The following TMEM178B variants were observed in gnomAD, a reference collection of about 807,000 sequenced individuals.
TMEM178B encodes the protein transmembrane protein 178B.
In TMEM178B, 5 loss-of-function variants were observed where a neutral mutation model predicts 31.0. The ratio of observed to expected loss-of-function variants is 0.16; its 90% CI spans 0.08 to 0.34. TMEM178B has a LOEUF of 0.34. Ranked by LOEUF, TMEM178B falls within the 10% of genes least tolerant of loss-of-function variation. The pLI is 1.00. For missense variants in TMEM178B, 275 were observed against 400.3 expected (o/e 0.69, Z 2.67); for synonymous variants, 164 against 164.0 (o/e 1.00, Z 0.00).
At chr7:141,390,765 A>T (rs10254137) in intron 2 of TMEM178B, among the ~76,000 whole-genome samples, 19,612 of 152,280 alleles carry the variant, frequency 0.13, 1,455 homozygotes, top group Non-Finnish European at 0.17. Context: ...TCTAATGTGC[A>T]TATTTTCTTG....
chr7:141,259,376 C>T (rs1179265256), intron 2 of TMEM178B, among the ~76,000 whole-genome samples: 1 of 152,058 alleles, frequency 6.6e-6, no homozygotes, highest in Non-Finnish European at 1.5e-5. Flanking sequence ...TCCTTTAATT[C>T]TTTGAGCATA....
At chr7:141,356,651 C>T (rs564415305) in intron 2 of TMEM178B, among the ~76,000 whole-genome samples, 9 of 64,100 alleles carry the variant, frequency 1.4e-4, no homozygotes, top group Middle Eastern at 7.9e-3. Flanking sequence ...CGGGGTTGGG[C>T]GGGGGGGTGG....
chr7:141,449,372 G>A (rs889896845), intron 3 of TMEM178B, among the ~76,000 whole-genome samples: 1 of 152,112 alleles, frequency 6.6e-6, no homozygotes, highest in South Asian at 2.1e-4. Flanking sequence ...TTGCAGGGGT[G>A]GGGGCAGGTT....
intron 1 of TMEM178B, among the ~76,000 whole-genome samples, chr7:141,090,375 T>A (rs1303887717): frequency 6.6e-6 from 1 of 152,138 alleles, no homozygotes; most frequent in Non-Finnish European, 1.5e-5. Flanking sequence ...AGTCTTTTAC[T>A]GGCATATCCA....
At chr7:141,437,492 T>G (rs780211389) in intron 2 of TMEM178B, 116 bp from the exon 3 acceptor site, 2 of 1,356,346 alleles carry the variant, frequency 1.5e-6, no homozygotes, top group Non-Finnish European at 2.0e-6. Flanking sequence ...AAGGGCAGGT[T>G]GCCTTCCTGC....
intron 2 of TMEM178B, among the ~76,000 whole-genome samples, chr7:141,431,986 C>G (rs1801438627): frequency 6.6e-6 from 1 of 152,056 alleles, no homozygotes; most frequent in Non-Finnish European, 1.5e-5. Flanking sequence ...AAATAAAAAG[C>G]AACAAAGATT....
At chr7:141,396,150 TG>T (rs1398470389) in intron 2 of TMEM178B, among the ~76,000 whole-genome samples, 1 of 152,006 alleles carries the variant, frequency 6.6e-6, no homozygotes, top group Non-Finnish European at 1.5e-5. Flanking sequence ...AGCTCAGGGT[TG>T]GGGGTGGCCA....
At chr7:141,325,109 A>G (rs1799166487) in intron 2 of TMEM178B, among the ~76,000 whole-genome samples, 1 of 152,170 alleles carries the variant, frequency 6.6e-6, no homozygotes, top group Admixed American at 6.5e-5. Context: ...TATGATCTAT[A>G]AATAGAACTG....
At position 141,476,214 on chromosome 7, in the gene TMEM178B, A is replaced by T. The variant is rs1180382561; in HGVS notation, c.*5428A>T. 4 of 152,154 alleles carry T rather than the reference A, an allele frequency of 2.6e-5. No homozygotes were observed. Among genetic ancestry groups the T allele is most frequent in the African/African-American group, 9.7e-5 (4 of 41,426 alleles). The allele number at this position is 152,154 out of a possible 1,614,324, so 9.4% of individuals were successfully genotyped here. A position where few individuals can be genotyped will look rare whatever the true frequency, so the allele number is the denominator to read the frequency against. On this transcript the variant is annotated 3_prime_UTR_variant, in exon 4 of 4. Transcript: ENST00000565468. Reference sequence around the variant, plus strand: ...GGCTGGACCTGTCGCACTTAAGCACACTTAAAGGATTCTATTCTTCATTCA... The same window carrying T: ...GGCTGGACCTGTCGCACTTAAGCACTCTTAAAGGATTCTATTCTTCATTCA...
At chr7:141,096,750 T>C (rs1794966207) in intron 1 of TMEM178B, among the ~76,000 whole-genome samples, 1 of 152,136 alleles carries the variant, frequency 6.6e-6, no homozygotes, top group African/African-American at 2.4e-5. Context: ...AGCAAATTAA[T>C]CAAACCCAAA....
intron 2 of TMEM178B, among the ~76,000 whole-genome samples, chr7:141,302,148 C>T (rs570349607): frequency 1.4e-4 from 21 of 152,162 alleles, no homozygotes; most frequent in South Asian, 2.1e-4. Context: ...GTTATCATAA[C>T]GAAAACAAGG....
intron 2 of TMEM178B, among the ~76,000 whole-genome samples, chr7:141,268,894 G>A (rs2116374926): frequency 6.6e-6 from 1 of 152,280 alleles, no homozygotes. Flanking sequence ...TATCATGAGA[G>A]TGTTCTGAGA....
Position 141,371,167 on chromosome 7 carries a change from C to T in TMEM178B, c.497-66441C>T, listed in dbSNP as rs536150650. ...TCCAAACCTCATGTTGAAATTTGGT[C>T]CCCAATATTAGAGATGAGCCTAATG... is the stretch of plus-strand genomic sequence containing the variant. On this transcript the variant is annotated intron_variant, in intron 2 of 3. Transcript: ENST00000565468. Among the ~76,000 whole-genome samples, 4 of 152,250 alleles carry T rather than the reference C, an allele frequency of 2.6e-5. No homozygotes were observed. In the East Asian group the frequency reaches 7.7e-4, roughly 29 times the overall value.
chr7:141,485,422 C>T, the TMEM178B span, among the ~76,000 whole-genome samples: 2 of 152,200 alleles, frequency 1.3e-5, no homozygotes, highest in South Asian at 2.1e-4. Context: ...CACTTTCCTC[C>T]TCAACAAGTG....
In TMEM178B at chr7:141,422,964, A is replaced by C. The variant is rs905096010; in HGVS notation, c.497-14644A>C. ...TGCTGTCCCATGGAAATATCGTGCA[A>C]ACCGCATGTGTAACTTAAAATGTTC... On this transcript the variant is annotated intron_variant, in intron 2 of 3. Transcript: ENST00000565468. This position sits in a 1 kb window ranked among gnomAD's most constrained non-coding sequence, Gnocchi z 4.2. Among the ~76,000 whole-genome samples, 3 of 152,210 alleles carry C rather than the reference A, an allele frequency of 2.0e-5. No individual in the cohort carries two copies. The highest frequency in any genetic ancestry group is 7.2e-5 in the African/African-American group (3 of 41,456).
At chr7:141,373,468 T>G (rs528601013) in intron 2 of TMEM178B, among the ~76,000 whole-genome samples, 1 of 152,326 alleles carries the variant, frequency 6.6e-6, no homozygotes, top group Non-Finnish European at 1.5e-5. Context: ...TCTCAGGGGA[T>G]GCTCTTGGGA....
chr7:141,486,441 A>G, the TMEM178B span, among the ~76,000 whole-genome samples: 1 of 152,172 alleles, frequency 6.6e-6, no homozygotes, highest in African/African-American at 2.4e-5. Context: ...GTCTGCCCCC[A>G]GTGAGGTGGA....
At chr7:141,337,409 A>G (rs1799443847) in intron 2 of TMEM178B, among the ~76,000 whole-genome samples, 1 of 151,822 alleles carries the variant, frequency 6.6e-6, no homozygotes, top group South Asian at 2.1e-4. Flanking sequence ...CAGCAGCAAG[A>G]AACTCTTATT....
intron 1 of TMEM178B, among the ~76,000 whole-genome samples, chr7:141,110,765 G>A (rs1211907720): frequency 6.6e-6 from 1 of 152,150 alleles, no homozygotes; most frequent in African/African-American, 2.4e-5. Flanking sequence ...CCCTAGTGTG[G>A]CTGTATCTGG....
Sources: allele counts gnomAD v4.1 joint callset (sites outside exome capture counted in the v4.1 genomes callset), GRCh38; gene constraint gnomAD v4.1.1; non-coding constraint Gnocchi (gnomAD v3.1); transcripts MANE v1.5; gene names NCBI Gene and HGNC (gene_info 2026-07-23, HGNC 2026-07-21).